Variants in CSMD1 observed in about 807,000 individuals in gnomAD.
The protein encoded by CSMD1 is CUB and sushi domain-containing protein 1.
In CSMD1, 213 loss-of-function variants were observed where a neutral mutation model predicts 417.5. The ratio of observed to expected loss-of-function variants is 0.51; its 90% CI spans 0.46 to 0.57. The LOEUF (loss-of-function observed/expected upper bound fraction) is 0.57. Ranked by LOEUF, CSMD1 falls within the 20% of genes least tolerant of loss-of-function variation. CSMD1 has a pLI of 0.00. For missense variants in CSMD1, 6,923 were observed against 4,529.7 expected (o/e 1.53, Z -15.17); for synonymous variants, 2,862 against 1,736.8 (o/e 1.65, Z -16.11).
intron 1 of CSMD1, among the ~76,000 whole-genome samples, chr8:4,939,778 C>G (rs1807859785): frequency 6.6e-6 from 1 of 152,070 alleles, no homozygotes. Context: ...TACTTGAAAA[C>G]TGTTAATAGA....
intron 23 of CSMD1, among the ~76,000 whole-genome samples, chr8:3,337,789 A>G (rs1161906298): frequency 1.3e-5 from 2 of 152,196 alleles, no homozygotes; most frequent in Non-Finnish European, 2.9e-5. Flanking sequence ...GGATCTGATT[A>G]TTTTATGAGT....
intron 47 of CSMD1, among the ~76,000 whole-genome samples, chr8:3,095,659 T>C (rs1161651125): frequency 1.3e-5 from 2 of 152,206 alleles, no homozygotes; most frequent in South Asian, 2.1e-4. Context: ...AATTTATTTT[T>C]TTCACTGAAT....
At chr8:4,896,429 C>G (rs766296626) in intron 1 of CSMD1, among the ~76,000 whole-genome samples, 1 of 152,068 alleles carries the variant, frequency 6.6e-6, no homozygotes, top group Non-Finnish European at 1.5e-5. Flanking sequence ...TTTCTCAATT[C>G]TTTTGTTATG....
rs150703006 is a variant in CSMD1, at chr8:3,558,917, G to A, written c.1344+16028C>T. 3.2e-4 allele frequency among the ~76,000 whole-genome samples: 48 copies of A among 152,270 alleles called. No individual in the cohort carries two copies. In the East Asian group the frequency reaches 7.3e-3, roughly 23 times the overall value. ...TGTCTGAAAAGGAAAGCGTCCTGGG[G>A]CAGCACCACGATTCGAGGTCCCAGA... On this transcript the variant is annotated intron_variant, in intron 10 of 69. Coordinates refer to ENST00000635120, the MANE Select transcript of CSMD1 (RefSeq NM_033225.6).
intron 1 of CSMD1, among the ~76,000 whole-genome samples, chr8:4,977,382 G>C (rs1367230139): frequency 1.3e-5 from 2 of 152,124 alleles, no homozygotes; most frequent in Non-Finnish European, 2.9e-5. Flanking sequence ...TCTCCTCATG[G>C]CACAAGTTGA....
At chr8:4,285,313 G>T (rs752283824) in intron 3 of CSMD1, among the ~76,000 whole-genome samples, 1 of 152,162 alleles carries the variant, frequency 6.6e-6, no homozygotes, top group Non-Finnish European at 1.5e-5. Flanking sequence ...CTGAAGCCAT[G>T]TGCAGTCCTT....
Position 3,187,923 on chromosome 8 carries a change from G to T in CSMD1, c.5566C>A (p.Leu1856Ile). 1 of 1,613,444 alleles carries T rather than the reference G, an allele frequency of 6.2e-7. No homozygotes were observed. Among genetic ancestry groups the T allele is most frequent in the Non-Finnish European group, 8.5e-7 (1 of 1,179,754 alleles). ...ACATCCCCACCATCGTGGATCTCAA[G>T]GGAGTCCCAGTTCTGCTCCGTGGCA... ...SFATEQNWDSLEIHDGGDVTA... is the reference protein window; with the variant it reads ...SFATEQNWDSIEIHDGGDVTA... Residue 1856 changes from leucine (L) to isoleucine (I), a missense_variant, in exon 36 of 70, where the codon CTT becomes ATT. Leu to Ile is a conservative substitution (Grantham distance 5). Transcript: ENST00000635120.
rs762241118 is a variant in CSMD1 at position 3,751,846 on chromosome 8, T to A, written c.931+2084A>T. On this transcript the variant is annotated intron_variant, in intron 6 of 69. Transcript: ENST00000635120. ...TAGAAATTTTTCTTTAATTCACTGTTGTTCAGTTACTGAGAGCTCTAGGAA... is the reference window on the plus strand; with the variant it reads ...TAGAAATTTTTCTTTAATTCACTGTAGTTCAGTTACTGAGAGCTCTAGGAA... Among the ~76,000 whole-genome samples, 8 of 152,336 alleles carry A rather than the reference T, an allele frequency of 5.3e-5. No individual in the cohort carries two copies. The East Asian group carries it at 1.3e-3, about 26-fold the overall frequency.
At chr8:4,083,614 G>C (rs549909374) in intron 3 of CSMD1, among the ~76,000 whole-genome samples, 10 of 152,224 alleles carry the variant, frequency 6.6e-5, no homozygotes, top group African/African-American at 2.4e-4. Flanking sequence ...TTAATTAATG[G>C]TGCTGGGAAA....
intron 3 of CSMD1, among the ~76,000 whole-genome samples, chr8:4,297,303 G>C (rs1161540860): frequency 1.3e-5 from 2 of 151,972 alleles, no homozygotes; most frequent in African/African-American, 4.8e-5. Flanking sequence ...TCTTACATAA[G>C]ATACTGAGAG....
intron 1 of CSMD1, among the ~76,000 whole-genome samples, chr8:4,668,747 CTAGA>C (rs1252597022): frequency 6.6e-6 from 1 of 152,130 alleles, no homozygotes; most frequent in Non-Finnish European, 1.5e-5. Flanking sequence ...CAACCTCTCT[CTAGA>C]TAGTTTTCCA....
intron 2 of CSMD1, among the ~76,000 whole-genome samples, chr8:4,446,270 G>T (rs1435999061): frequency 6.6e-6 from 1 of 152,184 alleles, no homozygotes; most frequent in African/African-American, 2.4e-5. Flanking sequence ...GGACCCAGCT[G>T]GGAGTGGTGG....
Position 3,343,281 on chromosome 8 carries a change from G to T in CSMD1, c.3631+13C>A, listed in dbSNP as rs748005732. On this transcript the variant is annotated intron_variant, in intron 23 of 69. Transcript: ENST00000635120. ...AATGAAAAAAGAACGTGATTAAGTC[G>T]TATGTTACTTACTGGTATAGGTGAG... The T allele has an allele frequency of 8.7e-6, 14 of 1,608,492 alleles. No individual in the cohort carries two copies. Among genetic ancestry groups the T allele is most frequent in the African/African-American group, 1.3e-5 (1 of 74,766 alleles).
chr8:3,656,279 C>T (rs1798099759), intron 7 of CSMD1, among the ~76,000 whole-genome samples: 1 of 152,170 alleles, frequency 6.6e-6, no homozygotes, highest in East Asian at 1.9e-4. Context: ...CGTGAGTTTA[C>T]TCAACACAGA....
chr8:3,899,233 G>T (rs561427919), intron 5 of CSMD1, among the ~76,000 whole-genome samples: 1 of 152,314 alleles, frequency 6.6e-6, no homozygotes, highest in African/African-American at 2.4e-5. Context: ...GCACAGGAAA[G>T]TTGGCACCAG....
At chr8:3,487,275 C>G (rs1040708395) in intron 11 of CSMD1, among the ~76,000 whole-genome samples, 1 of 152,152 alleles carries the variant, frequency 6.6e-6, no homozygotes, top group Admixed American at 6.5e-5. Flanking sequence ...GATCTTGGCT[C>G]TCTGCAAGCT....
At chr8:3,558,367 T>TA (rs1799272663) in intron 10 of CSMD1, among the ~76,000 whole-genome samples, 1 of 92,278 alleles carries the variant, frequency 1.1e-5, no homozygotes, top group African/African-American at 3.4e-5. Context: ...CAATGATGAA[T>TA]GGTGCCTCAG....
intron 36 of CSMD1, among the ~76,000 whole-genome samples, chr8:3,181,477 G>C (rs1222838177): frequency 1.3e-5 from 2 of 152,096 alleles, no homozygotes; most frequent in Non-Finnish European, 2.9e-5. Flanking sequence ...TGTAGCATGA[G>C]GTTTTTTTGC....
chr8:4,343,577 A>G (rs931719120), intron 3 of CSMD1, among the ~76,000 whole-genome samples: 1 of 152,156 alleles, frequency 6.6e-6, no homozygotes, highest in Non-Finnish European at 1.5e-5. Flanking sequence ...TAGAGCTGGA[A>G]TAAAGTATAT....
Sources: gnomAD v4.1 joint callset for allele counts (sites outside exome capture counted in the v4.1 genomes callset) on GRCh38, gnomAD v4.1.1 for gene constraint, MANE v1.5 for transcripts, NCBI Gene and HGNC (gene_info 2026-07-23, HGNC 2026-07-21) for gene names.